The following THSD7B variants were observed in gnomAD, a reference collection of about 807,000 sequenced individuals.
The protein encoded by THSD7B is thrombospondin type-1 domain-containing protein 7B.
THSD7B carries 138 observed loss-of-function variants against 213.6 expected under a neutral mutation model. That is an observed-to-expected ratio of 0.65 (90% confidence interval 0.56 to 0.74). The LOEUF (loss-of-function observed/expected upper bound fraction) is 0.74, where lower values mean the gene tolerates loss of function less well. Among genes scored for constraint, THSD7B ranks in the 30% least tolerant of loss-of-function variants. THSD7B has a pLI of 0.00. For synonymous variants in THSD7B, 742 were observed against 687.0 expected, an observed-to-expected ratio of 1.08 and a Z score of -1.25; for missense variants, 1,931 against 1,991.5, an observed-to-expected ratio of 0.97 and a Z score of 0.58.
chr2:136,829,770 G>T (rs1415230635), intron 1 of THSD7B, among the ~76,000 whole-genome samples: 11 of 152,014 alleles, frequency 7.2e-5, no homozygotes, highest in African/African-American at 2.7e-4. Context: ...GCAGGCATGG[G>T]TTATATATTT....
intron 15 of THSD7B, among the ~76,000 whole-genome samples, chr2:137,539,173 G>A (rs140224295): frequency 1.0e-3 from 154 of 151,808 alleles, no homozygotes; most frequent in South Asian, 9.6e-3. Context: ...CATCAGTAAT[G>A]TTTTCAGAGA....
chr2:136,831,585 A>G (rs1269904757), intron 1 of THSD7B, among the ~76,000 whole-genome samples: 3 of 152,252 alleles, frequency 2.0e-5, no homozygotes, highest in Middle Eastern at 3.2e-3. Flanking sequence ...CCATTTCTCT[A>G]TGGCAAAGAC....
At chr2:137,437,265 T>C (rs1687314501) in intron 14 of THSD7B, among the ~76,000 whole-genome samples, 1 of 152,150 alleles carries the variant, frequency 6.6e-6, no homozygotes, top group Non-Finnish European at 1.5e-5. Flanking sequence ...TTATGAAATC[T>C]TATAAAATGA....
intron 14 of THSD7B, among the ~76,000 whole-genome samples, chr2:137,414,418 A>C (rs1686746892): frequency 6.6e-6 from 1 of 152,116 alleles, no homozygotes; most frequent in Non-Finnish European, 1.5e-5. Context: ...GTATATATAT[A>C]TATCCATCCA....
intron 1 of THSD7B, among the ~76,000 whole-genome samples, chr2:136,828,018 C>T (rs1682686694): frequency 6.6e-6 from 1 of 152,006 alleles, no homozygotes; most frequent in Non-Finnish European, 1.5e-5. Flanking sequence ...CTATGGGCTC[C>T]TGTGTTGATA....
intron 2 of THSD7B, among the ~76,000 whole-genome samples, chr2:136,998,716 C>T (rs982498989): frequency 1.3e-5 from 2 of 152,082 alleles, no homozygotes; most frequent in Non-Finnish European, 1.5e-5. Context: ...CACAAGAATA[C>T]TGCTGCTGGT....
chr2:137,236,782 G>T (rs536227025), intron 9 of THSD7B, among the ~76,000 whole-genome samples: 1 of 152,218 alleles, frequency 6.6e-6, no homozygotes, highest in African/African-American at 2.4e-5. Flanking sequence ...GGTCTTTGTA[G>T]CCCAATGTGA....
chr2:137,135,211 C>A (rs1396073952), intron 5 of THSD7B, among the ~76,000 whole-genome samples: 2 of 152,146 alleles, frequency 1.3e-5, no homozygotes, highest in African/African-American at 2.4e-5. Context: ...TCATCCAGTT[C>A]TTTTACTAAT....
At chr2:137,378,745 C>T (rs767137259) in intron 12 of THSD7B, among the ~76,000 whole-genome samples, 4 of 152,146 alleles carry the variant, frequency 2.6e-5, no homozygotes, top group Non-Finnish European at 5.9e-5. Context: ...CCACCTCCCC[C>T]AACCACTCCC....
intron 2 of THSD7B, among the ~76,000 whole-genome samples, chr2:136,979,994 A>C (rs6430672): frequency 0.39 from 59,131 of 151,632 alleles, 13,049 homozygotes; most frequent in East Asian, 0.66. Context: ...TGTCATCTAA[A>C]ATTTTTTTTT....
At chr2:137,089,021 G>A (rs1048274666) in intron 3 of THSD7B, among the ~76,000 whole-genome samples, 8 of 151,968 alleles carry the variant, frequency 5.3e-5, no homozygotes, top group African/African-American at 1.9e-4. Flanking sequence ...CCCTGTTGGT[G>A]GAAAATATAA....
At chr2:136,932,305 GATGTGCAAATTA>G (rs1220880169) in intron 2 of THSD7B, among the ~76,000 whole-genome samples, 4 of 152,180 alleles carry the variant, frequency 2.6e-5, no homozygotes, top group African/African-American at 9.7e-5. Context: ...AAAAAGGATA[GATGTGCAAATTA>G]ATCTGCAAAT....
chr2:137,088,621 A>T (rs1687886916), intron 3 of THSD7B, among the ~76,000 whole-genome samples: 1 of 151,734 alleles, frequency 6.6e-6, no homozygotes, highest in Non-Finnish European at 1.5e-5. Flanking sequence ...AAAAAAAAAA[A>T]AATAGCTGGG....
At position 137,489,175 on chromosome 2, in the gene THSD7B, C is replaced by T. The variant is rs151075872; in HGVS notation, c.3138+38152C>T. ...GGTGCGGTGGCTCATGTCTGTAATA[C>T]TAGCACTTTGGGAGGCTGAGGCTGG... On this transcript the variant is annotated intron_variant, in intron 15 of 27. Transcript: ENST00000409968. 6.8e-3 allele frequency among the ~76,000 whole-genome samples: 1,036 copies of T among 152,236 alleles called. 9 individuals are homozygous for T. Among genetic ancestry groups the T allele is most frequent in the African/African-American group, 0.024 (980 of 41,528 alleles).
intron 15 of THSD7B, among the ~76,000 whole-genome samples, chr2:137,555,436 C>T (rs910566754): frequency 4.6e-5 from 7 of 152,210 alleles, no homozygotes; most frequent in Non-Finnish European, 8.8e-5. Context: ...CAAACAGGGC[C>T]TGGAGTGGAC....
intron 2 of THSD7B, among the ~76,000 whole-genome samples, chr2:136,933,405 C>A (rs1684667209): frequency 6.6e-6 from 1 of 151,872 alleles, no homozygotes; most frequent in African/African-American, 2.4e-5. Flanking sequence ...TGAAACCCTG[C>A]CTCTACTAAA....
chr2:137,390,379 A>G (rs797000626), intron 12 of THSD7B, among the ~76,000 whole-genome samples: 3 of 152,324 alleles, frequency 2.0e-5, no homozygotes, highest in African/African-American at 7.2e-5. Flanking sequence ...ATTTCTGTAT[A>G]TGGATTTTAT....
rs551939827 is a variant in THSD7B, at chr2:136,904,056, C to T, written c.139+21739C>T. Among the ~76,000 whole-genome samples the T allele has an allele frequency of 5.4e-3, 282 of 52,684 alleles. 1 individual carries two copies. Among genetic ancestry groups the T allele is most frequent in the African/African-American group, 0.012 (267 of 22,754 alleles). 34.6% of individuals were successfully genotyped at this position (52,684 alleles called of 152,430 possible). ...CAAAACCCATAGTCCCAGCTGTGTC[C>T]CCAAATGTTCCTCAAGGAGGAGGGA... On this transcript the variant is annotated intron_variant, in intron 2 of 27. Coordinates refer to ENST00000409968, the MANE Select transcript of THSD7B (RefSeq NM_001316349.2).
intron 2 of THSD7B, among the ~76,000 whole-genome samples, chr2:136,992,270 C>A (rs1333964825): frequency 6.6e-6 from 1 of 152,232 alleles, no homozygotes. Flanking sequence ...AATTTGTTCT[C>A]TTAGCAGAAC....
Sources: allele counts gnomAD v4.1 joint callset (sites outside exome capture counted in the v4.1 genomes callset), GRCh38; gene constraint gnomAD v4.1.1; transcripts MANE v1.5; gene names NCBI Gene and HGNC (gene_info 2026-07-23, HGNC 2026-07-21).